Variants in NEDD4L observed in about 807,000 individuals in gnomAD.
NEDD4L encodes NEDD4 like E3 ubiquitin protein ligase.
In NEDD4L, 54 loss-of-function variants were observed where a neutral mutation model predicts 148.9. The observed-to-expected ratio is 0.36, with a 90% confidence interval of 0.29 to 0.45. The LOEUF (loss-of-function observed/expected upper bound fraction) is 0.45, where lower values mean the gene tolerates loss of function less well. Among genes scored for constraint, NEDD4L ranks in the 20% least tolerant of loss-of-function variants. The pLI is 1.00. For missense variants in NEDD4L, 856 were observed against 1,233.8 expected (o/e 0.69, Z 4.59); for synonymous variants, 433 against 440.7 (o/e 0.98, Z 0.22).
At position 58,089,775 on chromosome 18, in the gene NEDD4L, A is replaced by G. The variant is rs367623181; in HGVS notation, c.48+45067A>G. 1.1e-3 allele frequency among the ~76,000 whole-genome samples: 168 copies of G among 151,754 alleles called. 1 individual carries two copies. The highest frequency in any genetic ancestry group is 3.9e-3 in the African/African-American group (161 of 41,338). On this transcript the variant is annotated intron_variant, in intron 1 of 30. Transcript: ENST00000400345. The stretch of plus-strand genomic sequence containing the variant: ...GGGTTGGTTTCTCTGAGGCTCCCAG[A>G]CAGTCATCTTCTCCCTGTGTCTTCA...
intron 4 of NEDD4L, among the ~76,000 whole-genome samples, chr18:58,250,135 TTTTG>T (rs1004173784): frequency 1.8e-4 from 27 of 151,982 alleles, no homozygotes; most frequent in African/African-American, 4.8e-4. Flanking sequence ...TGAAGGTTTT[TTTTG>T]TTTGTTTGTT....
intron 1 of NEDD4L, among the ~76,000 whole-genome samples, chr18:58,084,671 T>TTGTGTGTGTGTGTGTGTGTGTGTG (rs55916532): frequency 9.7e-5 from 13 of 133,820 alleles, no homozygotes; most frequent in Admixed American, 4.6e-4. Flanking sequence ...TGTGGGGTTT[T>TTGTGTGTGTGTGTGTGTGTGTGTG]TGTGTGTGTG....
intron 11 of NEDD4L, among the ~76,000 whole-genome samples, chr18:58,332,577 G>A (rs2041140188): frequency 6.6e-6 from 1 of 152,172 alleles, no homozygotes; most frequent in East Asian, 1.9e-4. Flanking sequence ...GAACCCAGGA[G>A]GCAGAGGTTG....
At chr18:58,081,542 G>T (rs547785515) in intron 1 of NEDD4L, among the ~76,000 whole-genome samples, 48 of 152,000 alleles carry the variant, frequency 3.2e-4, no homozygotes, top group Middle Eastern at 3.2e-3. Context: ...TTAAAGCAGA[G>T]AATTTATTGT....
intron 1 of NEDD4L, among the ~76,000 whole-genome samples, chr18:58,066,532 C>T (rs1271231135): frequency 6.6e-6 from 1 of 151,840 alleles, no homozygotes; most frequent in Non-Finnish European, 1.5e-5. Context: ...GTTGGCCAGG[C>T]TGGTCTTGAA....
intron 5 of NEDD4L, among the ~76,000 whole-genome samples, chr18:58,280,887 T>G (rs2052954190): frequency 6.6e-6 from 1 of 152,188 alleles, no homozygotes; most frequent in Non-Finnish European, 1.5e-5. Flanking sequence ...GGTAAAAGAT[T>G]AATCAACAAA....
chr18:58,220,515 G>A (rs1398702598), intron 2 of NEDD4L, among the ~76,000 whole-genome samples: 1 of 152,138 alleles, frequency 6.6e-6, no homozygotes, highest in Admixed American at 6.5e-5. Context: ...AGTCCTCCCA[G>A]CCTCAAGGGG....
chr18:58,174,696 A>G (rs1185810722), intron 2 of NEDD4L, among the ~76,000 whole-genome samples: 1 of 152,158 alleles, frequency 6.6e-6, no homozygotes, highest in East Asian at 1.9e-4. Context: ...GAGGGACACA[A>G]TGACTGGTTC....
chr18:58,245,536 A>G (rs760591967), intron 3 of NEDD4L, 28 bp downstream of exon 3: 1 of 1,236,308 alleles, frequency 8.1e-7, no homozygotes, highest in Non-Finnish European at 1.2e-6. Context: ...ACCAAATGTC[A>G]TTTAAGTCAT....
At chr18:58,070,129 T>C (rs1168898582) in intron 1 of NEDD4L, among the ~76,000 whole-genome samples, 1 of 152,248 alleles carries the variant, frequency 6.6e-6, no homozygotes, top group Non-Finnish European at 1.5e-5. Flanking sequence ...CAGCTCACAT[T>C]GTGCAAACAG....
chr18:58,184,552 C>A (rs895965428), intron 2 of NEDD4L, among the ~76,000 whole-genome samples: 3 of 152,114 alleles, frequency 2.0e-5, no homozygotes, highest in Non-Finnish European at 4.4e-5. Context: ...AGAAACCGAT[C>A]AGTTCATAAA....
chr18:58,203,387 A>C (rs1367802039), intron 2 of NEDD4L, among the ~76,000 whole-genome samples: 1 of 152,244 alleles, frequency 6.6e-6, no homozygotes, highest in Non-Finnish European at 1.5e-5. Context: ...TCATAATAAA[A>C]ATAAAATAAA....
intron 2 of NEDD4L, among the ~76,000 whole-genome samples, chr18:58,235,924 T>C (rs1255435829): frequency 1.3e-5 from 2 of 152,178 alleles, no homozygotes; most frequent in African/African-American, 4.8e-5. Context: ...TCCCAGCTAC[T>C]TGGGAGGCTG....
At chr18:58,138,924 T>C (rs370267727) in intron 1 of NEDD4L, among the ~76,000 whole-genome samples, 2 of 152,222 alleles carry the variant, frequency 1.3e-5, no homozygotes, top group African/African-American at 4.8e-5. Flanking sequence ...CTGACAGGGT[T>C]AGGCACTGTG....
chr18:58,336,820 C>T (rs1014976232), intron 13 of NEDD4L, among the ~76,000 whole-genome samples: 1 of 152,150 alleles, frequency 6.6e-6, no homozygotes, highest in Non-Finnish European at 1.5e-5. Context: ...AGTGAGGCAG[C>T]CTCCAGTAGA....
At chr18:58,191,248 AC>A (rs2040082965) in intron 2 of NEDD4L, among the ~76,000 whole-genome samples, 1 of 151,980 alleles carries the variant, frequency 6.6e-6, no homozygotes, top group African/African-American at 2.4e-5. Context: ...TCAATGAATA[AC>A]CCCCCTGTCA....
At chr18:58,144,710 T>C (rs1383673640) in intron 1 of NEDD4L, among the ~76,000 whole-genome samples, 3 of 151,958 alleles carry the variant, frequency 2.0e-5, no homozygotes, top group Non-Finnish European at 4.4e-5. Context: ...AAATAAAAAT[T>C]ACCCACAGTC....
chr18:58,159,617 T>C (rs980177936), intron 1 of NEDD4L, among the ~76,000 whole-genome samples: 2 of 152,070 alleles, frequency 1.3e-5, no homozygotes, highest in African/African-American at 4.8e-5. Context: ...CAGGTAGAAA[T>C]GGAAAGAGTG....
At chr18:58,075,668 G>T (rs1158434440) in intron 1 of NEDD4L, among the ~76,000 whole-genome samples, 1 of 152,104 alleles carries the variant, frequency 6.6e-6, no homozygotes, top group African/African-American at 2.4e-5. Flanking sequence ...CCTCATGATT[G>T]TAATCCAAGA....
Sources: gnomAD v4.1 joint callset for allele counts (sites outside exome capture counted in the v4.1 genomes callset) on GRCh38, gnomAD v4.1.1 for gene constraint, MANE v1.5 for transcripts, NCBI Gene and HGNC (gene_info 2026-07-23, HGNC 2026-07-21) for gene names.